The following PAK4 variants were observed in gnomAD, a reference collection of about 807,000 sequenced individuals.
PAK4 encodes the protein p21 (RAC1) activated kinase 4.
Under a neutral mutation model 53.5 loss-of-function variants are expected in PAK4, and 49 were observed. The observed-to-expected ratio is 0.92, with a 90% CI of 0.73 to 1.16. PAK4 has a LOEUF of 1.16. Among genes scored for constraint, PAK4 ranks in the 50% most tolerant of loss-of-function variants. The probability of loss-of-function intolerance (pLI) is 0.00; values close to 1 mark genes in which losing one functional copy is unlikely to be tolerated. For synonymous variants in PAK4, 376 were observed against 375.6 expected (o/e 1.00, Z -0.01); for missense variants, 824 against 850.7 (o/e 0.97, Z 0.39).
chr19:39,173,864 C>G lies in PAK4; in HGVS notation c.952C>G (p.Arg318Gly), dbSNP rs752622915. ...GCTGGTGGTGGACCCAGGCGACCCC[C>G]GCTCCTACCTGGACAACTTCATCAA... The change falls in exon 4 of 9, where the codon CGC becomes GGC. Residue 318 changes from arginine (R) to glycine (G), a missense_variant. Around this residue, in one of 2 missense-constraint regions of PAK4, gnomAD observed 346 missense variants for 415.0 expected, o/e 0.83. Coordinates refer to ENST00000358301, the Ensembl canonical transcript of PAK4. This position sits in a 1 kb window ranked among gnomAD's most constrained non-coding sequence, Gnocchi z 6.9. 1 of 1,612,780 alleles carries G rather than the reference C, an allele frequency of 6.2e-7. No individual in the cohort carries two copies. Among genetic ancestry groups the G allele is most frequent in the South Asian group, 1.1e-5 (1 of 91,054 alleles).
intron 1 of PAK4, chr19:39,152,277 T>C (rs1021225116): frequency 3.3e-5 from 5 of 152,118 alleles, no homozygotes; most frequent in African/African-American, 1.2e-4. Flanking sequence ...GCCCGGGACG[T>C]GAATCACCTT....
chr19:39,151,456 GAACTT>G (rs1600347989), intron 1 of PAK4, among the ~76,000 whole-genome samples: 1 of 152,342 alleles, frequency 6.6e-6, no homozygotes, highest in East Asian at 1.9e-4. Flanking sequence ...TGGCAGTGGT[GAACTT>G]CACTGGACAT....
At chr19:39,153,715 T>A (rs1368808917) in intron 1 of PAK4, among the ~76,000 whole-genome samples, 5 of 152,200 alleles carry the variant, frequency 3.3e-5, no homozygotes, top group South Asian at 2.1e-4. Flanking sequence ...GTGCAGGGAT[T>A]ACAGGTGTGA....
intron 1 of PAK4, among the ~76,000 whole-genome samples, chr19:39,140,445 C>T (rs2073890949): frequency 6.6e-6 from 1 of 152,176 alleles, no homozygotes; most frequent in Non-Finnish European, 1.5e-5. Context: ...GGACTGTCCC[C>T]ACGGGTTGAC....
chr19:39,167,665 G>T (rs931712879), intron 1 of PAK4, among the ~76,000 whole-genome samples: 10 of 152,180 alleles, frequency 6.6e-5, no homozygotes, highest in Non-Finnish European at 1.2e-4. Context: ...GCTGAGACAG[G>T]TTGGCTGCCG....
chr19:39,129,188 C>T (rs930211846), intron 1 of PAK4, among the ~76,000 whole-genome samples: 1 of 152,018 alleles, frequency 6.6e-6, no homozygotes, highest in Non-Finnish European at 1.5e-5. Context: ...GGATTACAGG[C>T]GCGCACACCT....
chr19:39,173,968 G>A lies in PAK4; in HGVS notation c.1056G>A (p.Met352Ile). The A allele has an allele frequency of 6.2e-7, 1 of 1,609,318 alleles. No homozygotes were observed. Among genetic ancestry groups the A allele is most frequent in the Non-Finnish European group, 8.5e-7 (1 of 1,179,038 alleles). The change falls in exon 4 of 9, where the codon ATG (methionine) becomes ATA (isoleucine). Residue 352 changes from methionine (M) to isoleucine (I), a missense_variant. Met to Ile is a conservative substitution (Grantham distance 10). Around this residue, in one of 2 missense-constraint regions of PAK4, gnomAD observed 346 missense variants for 415.0 expected, o/e 0.83. Transcript: ENST00000358301. This position sits in a 1 kb window ranked among gnomAD's most constrained non-coding sequence, Gnocchi z 6.9. ...GCAAGCTGGTGGCCGTCAAGAAGAT[G>A]GACCTGCGCAAGCAGCAGAGGCGCG...
At chr19:39,135,477 AGGCATGTGCCACCACGCAC>A (rs1479284478) in intron 1 of PAK4, among the ~76,000 whole-genome samples, 4 of 151,932 alleles carry the variant, frequency 2.6e-5, no homozygotes, top group African/African-American at 9.7e-5. Context: ...CTGGGATTAC[AGGCATGTGCCACCACGCAC>A]GGCTAATTTT....
intron 1 of PAK4, 112 bp downstream of exon 2, chr19:39,168,414 C>T (rs1468259831): frequency 6.6e-6 from 1 of 152,198 alleles, no homozygotes; most frequent in Non-Finnish European, 1.5e-5. Context: ...GGGAGCCGCC[C>T]CAGCCATCAC....
In PAK4 at chr19:39,173,893, T is replaced by C. The variant is rs374237195; in HGVS notation, c.981T>C (p.Ile327=). The C allele has an allele frequency of 1.1e-5, 18 of 1,612,564 alleles. No homozygotes were observed. The African/African-American group carries it at 2.1e-4, about 19-fold the overall frequency. The stretch of plus-strand genomic sequence containing the variant: ...CCTACCTGGACAACTTCATCAAGAT[T>C]GGCGAGGGCTCCACGGGCATCGTGT... Residue 327 remains isoleucine, a synonymous_variant, in exon 4 of 9, where the codon ATT becomes ATC. Coordinates refer to ENST00000358301, the Ensembl canonical transcript of PAK4. This position sits in a 1 kb window ranked among gnomAD's most constrained non-coding sequence, Gnocchi z 6.9.
intron 1 of PAK4, among the ~76,000 whole-genome samples, chr19:39,131,636 C>G (rs920710943): frequency 5.9e-5 from 9 of 152,338 alleles, no homozygotes; most frequent in African/African-American, 2.2e-4. Flanking sequence ...TCTCCCATCC[C>G]AGGGGAGCCA....
intron 1 of PAK4, among the ~76,000 whole-genome samples, chr19:39,163,868 C>T (rs897791819): frequency 1.3e-5 from 2 of 152,136 alleles, no homozygotes; most frequent in Non-Finnish European, 2.9e-5. Flanking sequence ...CGGACAGGGA[C>T]GATCATTCCA....
Position 39,175,968 on chromosome 19 carries a change from G to A in PAK4, c.1359+530G>A, listed in dbSNP as rs1330898281. 6.6e-6 allele frequency among the ~76,000 whole-genome samples: 1 copy of A among 152,252 alleles called. No individual in the cohort carries two copies. Among genetic ancestry groups the A allele is most frequent in the Non-Finnish European group, 1.5e-5 (1 of 68,040 alleles). ...CACCATTAGTCCAGGCAGAGGCAGA[G>A]AGAGCTCTGTGTCACTGACAGTCTG... On this transcript the variant is annotated intron_variant, in intron 6 of 8. Coordinates refer to ENST00000358301, the Ensembl canonical transcript of PAK4. The surrounding 1 kb of genome is among the most constrained non-coding windows in gnomAD (Gnocchi z 4.7).
intron 2 of PAK4, among the ~76,000 whole-genome samples, chr19:39,170,576 C>G (rs2074459706): frequency 6.6e-6 from 1 of 152,244 alleles, no homozygotes; most frequent in Non-Finnish European, 1.5e-5. Context: ...GACTCTCTCC[C>G]ATGGTCAGTG....
At chr19:39,169,851 C>G in intron 2 of PAK4, 94 bp downstream of exon 3, 1 of 863,022 alleles carries the variant, frequency 1.2e-6, no homozygotes, top group African/African-American at 1.7e-5. Context: ...ACCGACACCT[C>G]CTCACTGACA....
Position 39,173,206 on chromosome 19 carries a change from G to C in PAK4, c.493G>C (p.Glu165Gln), listed in dbSNP as rs770215974. 1.3e-6 allele frequency: 2 copies of C among 1,553,288 alleles called. No homozygotes were observed. The highest frequency in any genetic ancestry group is 4.8e-5 in the East Asian group (2 of 41,606). ...AGAGAAGAGGCCCAAGTCTTCCAGG[G>C]AGGGCTCAGGGGGTCCCCAGGAGTC... is the stretch of plus-strand genomic sequence containing the variant. Residue 165 changes from glutamate to glutamine, a missense_variant, in exon 3 of 9, where the codon GAG (glutamate) becomes CAG (glutamine). By Grantham distance (29) the Glu-to-Gln change is conservative (BLOSUM62 2). Around this residue, in one of 2 missense-constraint regions of PAK4, gnomAD observed 478 missense variants for 435.8 expected, o/e 1.10. Coordinates refer to ENST00000358301, the Ensembl canonical transcript of PAK4. This position sits in a 1 kb window ranked among gnomAD's most constrained non-coding sequence, Gnocchi z 6.9.
chr19:39,149,473 G>T (rs1307810345), intron 1 of PAK4, among the ~76,000 whole-genome samples: 1 of 152,188 alleles, frequency 6.6e-6, no homozygotes, highest in Non-Finnish European at 1.5e-5. Context: ...CATGCATGGA[G>T]TCCCAGCTAT....
rs139570668 is a variant in PAK4 at position 39,141,366 on chromosome 19, A to C, written c.-23+15447A>C. Among the ~76,000 whole-genome samples, 972 of 150,406 alleles carry C rather than the reference A, an allele frequency of 6.5e-3. 13 individuals carry two copies. Among genetic ancestry groups the C allele is most frequent in the African/African-American group, 0.023 (930 of 40,872 alleles). The stretch of plus-strand genomic sequence containing the variant: ...AGTCTCACTCTGTCACCCAGGCTGG[A>C]GTGCAGTGGTGCGATCTTGGCTCAC... On this transcript the variant is annotated intron_variant, in intron 1 of 8. Coordinates refer to ENST00000358301, the Ensembl canonical transcript of PAK4.
intron 1 of PAK4, among the ~76,000 whole-genome samples, chr19:39,137,242 G>T (rs1221305287): frequency 6.6e-6 from 1 of 152,050 alleles, no homozygotes; most frequent in Non-Finnish European, 1.5e-5. Flanking sequence ...CCCGGTTGCC[G>T]CCCATTTGGA....
Sources: allele counts gnomAD v4.1 joint callset (sites outside exome capture counted in the v4.1 genomes callset), GRCh38; gene constraint gnomAD v4.1.1; regional missense constraint gnomAD v4.1.1; non-coding constraint Gnocchi (gnomAD v3.1); transcripts MANE v1.5; gene names NCBI Gene and HGNC (gene_info 2026-07-23, HGNC 2026-07-21).